Variants in TTC39B observed in about 807,000 individuals in gnomAD.
TTC39B encodes the protein tetratricopeptide repeat protein 39B.
TTC39B carries 92 observed loss-of-function variants against 96.6 expected under a neutral mutation model. That is an observed-to-expected ratio of 0.95 (90% CI 0.80 to 1.13). TTC39B has a LOEUF of 1.13. TTC39B is among the 50% of genes most tolerant of loss of function. The probability of loss-of-function intolerance (pLI) is 0.00; values close to 1 mark genes in which losing one functional copy is unlikely to be tolerated. For missense variants in TTC39B, 955 were observed against 809.3 expected (o/e 1.18, Z -2.18); for synonymous variants, 367 against 299.4 (o/e 1.23, Z -2.33).
chr9:15,212,018 C>T (rs1440182909), intron 4 of TTC39B, among the ~76,000 whole-genome samples: 5 of 152,200 alleles, frequency 3.3e-5, no homozygotes, highest in African/African-American at 1.2e-4. Flanking sequence ...AGGATGTTAA[C>T]TAGAACTAGT....
chr9:15,251,690 C>CAA (rs1243714942), intron 2 of TTC39B, among the ~76,000 whole-genome samples: 1 of 79,414 alleles, frequency 1.3e-5, no homozygotes, highest in Non-Finnish European at 2.4e-5. Flanking sequence ...CACACACACA[C>CAA]ATACATATAC....
intron 13 of TTC39B, among the ~76,000 whole-genome samples, chr9:15,188,463 G>A (rs954162124): frequency 6.6e-6 from 1 of 152,106 alleles, no homozygotes; most frequent in African/African-American, 2.4e-5. Flanking sequence ...CAGAGTTACA[G>A]GCAACAGACA....
intron 3 of TTC39B, among the ~76,000 whole-genome samples, chr9:15,219,606 T>C (rs1564359864): frequency 6.6e-6 from 1 of 152,122 alleles, no homozygotes; most frequent in African/African-American, 2.4e-5. Flanking sequence ...GAAAGGAACA[T>C]CCTTATCTCC....
chr9:15,239,006 G>A (rs1317730853), intron 2 of TTC39B, among the ~76,000 whole-genome samples: 1 of 152,086 alleles, frequency 6.6e-6, no homozygotes, highest in Non-Finnish European at 1.5e-5. Flanking sequence ...AGTATTTGCA[G>A]ACTATGCCTC....
At chr9:15,215,644 G>A (rs2131366941) in intron 3 of TTC39B, among the ~76,000 whole-genome samples, 2 of 151,680 alleles carry the variant, frequency 1.3e-5, no homozygotes, top group East Asian at 3.9e-4. Context: ...GATCATTTGA[G>A]GTCAGGAGTT....
intron 2 of TTC39B, among the ~76,000 whole-genome samples, chr9:15,264,095 G>A (rs996491257): frequency 6.6e-6 from 1 of 152,102 alleles, no homozygotes; most frequent in Non-Finnish European, 1.5e-5. Context: ...TAGAAACTGA[G>A]GCAGTGTTAA....
At chr9:15,251,694 C>CATATATAT (rs59081141) in intron 2 of TTC39B, among the ~76,000 whole-genome samples, 7 of 61,828 alleles carry the variant, frequency 1.1e-4, no homozygotes, top group African/African-American at 2.6e-4. Flanking sequence ...CACACACATA[C>CATATATAT]ATATACATAT....
chr9:15,216,463 T>G (rs1442645116), intron 3 of TTC39B, among the ~76,000 whole-genome samples: 1 of 152,174 alleles, frequency 6.6e-6, no homozygotes, highest in Non-Finnish European at 1.5e-5. Flanking sequence ...CCCTTAAGTT[T>G]CCAGTGAATG....
At chr9:15,226,758 C>A (rs1188784720) in intron 2 of TTC39B, among the ~76,000 whole-genome samples, 15 of 152,054 alleles carry the variant, frequency 9.9e-5, no homozygotes. Flanking sequence ...TTTGTTGACC[C>A]ACAGATATCT....
intron 1 of TTC39B, among the ~76,000 whole-genome samples, chr9:15,284,827 A>T (rs1823897895): frequency 6.6e-6 from 1 of 152,208 alleles, no homozygotes; most frequent in Admixed American, 6.5e-5. Context: ...ATGTATTACT[A>T]TATATGTAAA....
intron 7 of TTC39B, among the ~76,000 whole-genome samples, chr9:15,203,273 C>G (rs1175582364): frequency 3.9e-5 from 6 of 152,098 alleles, no homozygotes; most frequent in Non-Finnish European, 7.4e-5. Flanking sequence ...GTTTTTGAGA[C>G]AAAGTCTTGC....
intron 6 of TTC39B, among the ~76,000 whole-genome samples, chr9:15,205,623 C>T (rs1275481145): frequency 6.6e-6 from 1 of 152,224 alleles, no homozygotes; most frequent in East Asian, 1.9e-4. Flanking sequence ...TCAAAGTGTG[C>T]CTAGTGATTT....
intron 1 of TTC39B, among the ~76,000 whole-genome samples, chr9:15,277,590 G>C (rs1029086356): frequency 6.6e-6 from 1 of 152,104 alleles, no homozygotes; most frequent in African/African-American, 2.4e-5. Context: ...AACACAGTGA[G>C]ACATTGGAAG....
In TTC39B at chr9:15,256,863, G is replaced by T. The variant is rs568665925; in HGVS notation, c.275+11051C>A. On this transcript the variant is annotated intron_variant, in intron 2 of 19. Coordinates refer to ENST00000512701, the Ensembl canonical transcript of TTC39B. ...TCGATGAGGCAGAAGCAGTATGTGG[G>T]AGCCCAACCACCTCAAACCTTATGA... Among the ~76,000 whole-genome samples, 9 of 152,280 alleles carry T rather than the reference G, an allele frequency of 5.9e-5. No homozygotes were observed. In the East Asian group the frequency reaches 1.7e-3, roughly 29 times the overall value.
intron 2 of TTC39B, among the ~76,000 whole-genome samples, chr9:15,233,665 G>T (rs528301772): frequency 1.3e-5 from 2 of 152,302 alleles, no homozygotes; most frequent in African/African-American, 4.8e-5. Flanking sequence ...GTGCTCAATG[G>T]TGCCCAGGCT....
intron 1 of TTC39B, among the ~76,000 whole-genome samples, chr9:15,298,825 C>T (rs907502613): frequency 3.3e-5 from 5 of 152,162 alleles, no homozygotes; most frequent in African/African-American, 1.2e-4. Context: ...TCCTGACACT[C>T]CACCTGTCCA....
chr9:15,195,915 G>A (rs1006402626), intron 8 of TTC39B, among the ~76,000 whole-genome samples: 1 of 152,110 alleles, frequency 6.6e-6, no homozygotes, highest in African/African-American at 2.4e-5. Flanking sequence ...CTCTTGTTAG[G>A]GACTAATGGA....
intron 2 of TTC39B, among the ~76,000 whole-genome samples, chr9:15,226,496 G>C (rs963754518): frequency 1.3e-5 from 2 of 152,096 alleles, no homozygotes; most frequent in East Asian, 3.8e-4. Context: ...ATGATAATTT[G>C]TTACCTGTCC....
chr9:15,266,591 G>A (rs541058401), intron 2 of TTC39B, among the ~76,000 whole-genome samples: 3 of 152,268 alleles, frequency 2.0e-5, no homozygotes, highest in African/African-American at 4.8e-5. Context: ...AGTATTGGTA[G>A]CCAAGTAAAT....
Sources: allele counts gnomAD v4.1 joint callset (sites outside exome capture counted in the v4.1 genomes callset), GRCh38; gene constraint gnomAD v4.1.1; transcripts MANE v1.5; gene names NCBI Gene and HGNC (gene_info 2026-07-23, HGNC 2026-07-21).